Variants in DPH6 observed in about 807,000 individuals in gnomAD.
DPH6 encodes diphthamine biosynthesis 6.
A neutral mutation model predicts 38.2 loss-of-function variants in DPH6; 33 were observed. The ratio of observed to expected loss-of-function variants is 0.86; its 90% confidence interval spans 0.65 to 1.15. DPH6 has a LOEUF of 1.15. Among genes scored for constraint, DPH6 ranks in the 50% most tolerant of loss-of-function variants. The pLI is 0.00. For missense variants in DPH6, 325 were observed against 320.0 expected (o/e 1.02, Z -0.12); for synonymous variants, 108 against 103.0 (o/e 1.05, Z -0.30).
intron 3 of DPH6, among the ~76,000 whole-genome samples, chr15:35,342,729 T>C (rs1295762698): frequency 6.6e-6 from 1 of 152,184 alleles, no homozygotes; most frequent in Non-Finnish European, 1.5e-5. Flanking sequence ...ATGTTCAATA[T>C]TTTCCTGTAA....
At chr15:35,443,794 C>G (rs187078330) in intron 5 of DPH6, among the ~76,000 whole-genome samples, 57 of 152,268 alleles carry the variant, frequency 3.7e-4, no homozygotes, top group Admixed American at 3.7e-3. Context: ...TCAGAAGGTC[C>G]TAACTGTGCA....
chr15:35,351,099 T>A (rs142235591), intron 3 of DPH6, among the ~76,000 whole-genome samples: 307 of 152,316 alleles, frequency 2.0e-3, no homozygotes, highest in African/African-American at 6.9e-3. Flanking sequence ...CTGTATATAT[T>A]CACCTAATAT....
intron 3 of DPH6, among the ~76,000 whole-genome samples, chr15:35,510,456 TG>T (rs2054753965): frequency 6.6e-6 from 1 of 152,226 alleles, no homozygotes; most frequent in Admixed American, 6.5e-5. Flanking sequence ...AAAGCATAAC[TG>T]GAACAACTCC....
chr15:35,495,363 C>T (rs2054535933), intron 3 of DPH6, among the ~76,000 whole-genome samples: 1 of 152,092 alleles, frequency 6.6e-6, no homozygotes, highest in African/African-American at 2.4e-5. Flanking sequence ...AGAAGAGAGG[C>T]CTCAGAATGA....
At chr15:35,447,783 T>C (rs187705617) in intron 5 of DPH6, among the ~76,000 whole-genome samples, 9 of 151,820 alleles carry the variant, frequency 5.9e-5, no homozygotes, top group East Asian at 3.9e-4. Context: ...CCTAGGACCA[T>C]TGGATCAGGC....
chr15:35,433,372 GAGA>G (rs920193415), intron 5 of DPH6, among the ~76,000 whole-genome samples: 3 of 152,158 alleles, frequency 2.0e-5, no homozygotes, highest in African/African-American at 7.2e-5. Context: ...TTCAAAGCAG[GAGA>G]AGTAGTGGCA....
intron 3 of DPH6, chr15:35,521,981 G>C (rs1390476801): frequency 2.7e-6 from 4 of 1,462,814 alleles, no homozygotes; most frequent in Non-Finnish European, 1.8e-6. Flanking sequence ...ACTAAACTAA[G>C]CCGTCAACTA....
intron 3 of DPH6, among the ~76,000 whole-genome samples, chr15:35,515,593 C>T (rs1050208696): frequency 1.3e-5 from 2 of 151,750 alleles, no homozygotes; most frequent in South Asian, 2.1e-4. Context: ...CGGTGGCGGG[C>T]GCCTGTAGTC....
intron 5 of DPH6, among the ~76,000 whole-genome samples, chr15:35,436,323 G>A (rs1373907515): frequency 2.6e-5 from 4 of 151,360 alleles, no homozygotes; most frequent in African/African-American, 7.3e-5. Context: ...AAAATTAGCT[G>A]GGCGTGGTGG....
At chr15:35,466,736 G>C (rs972961887) in intron 3 of DPH6, among the ~76,000 whole-genome samples, 3 of 152,092 alleles carry the variant, frequency 2.0e-5, no homozygotes, top group African/African-American at 7.2e-5. Flanking sequence ...CAGCTATATG[G>C]TATAGCCTAT....
At chr15:35,298,736 G>A (rs2052032304) in intron 3 of DPH6, 10 of 1,570,444 alleles carry the variant, frequency 6.4e-6, no homozygotes, top group South Asian at 3.4e-5. Context: ...GATCTTGTGC[G>A]CCACCGTGCC....
chr15:35,491,302 C>T (rs1021728244), intron 3 of DPH6, among the ~76,000 whole-genome samples: 11 of 151,984 alleles, frequency 7.2e-5, no homozygotes, highest in Middle Eastern at 3.2e-3. Context: ...AGAGTAAACA[C>T]GAGCACCATC....
intron 3 of DPH6, among the ~76,000 whole-genome samples, chr15:35,225,924 T>G (rs931630190): frequency 2.0e-5 from 3 of 152,200 alleles, no homozygotes; most frequent in Non-Finnish European, 4.4e-5. Flanking sequence ...TATTTGTGAT[T>G]TTAACCTGTC....
chr15:35,222,796 CA>C, intron 3 of DPH6, among the ~76,000 whole-genome samples: 1 of 152,262 alleles, frequency 6.6e-6, no homozygotes, highest in Non-Finnish European at 1.5e-5. Context: ...GATAAACTAT[CA>C]ATTTACATTG....
intron 3 of DPH6, among the ~76,000 whole-genome samples, chr15:35,526,613 T>C (rs1158631105): frequency 6.6e-6 from 1 of 152,088 alleles, no homozygotes; most frequent in Non-Finnish European, 1.5e-5. Context: ...GAAAGAACTG[T>C]TTTTTAAATC....
chr15:35,504,030 C>A (rs377134527), intron 3 of DPH6, among the ~76,000 whole-genome samples: 21 of 152,210 alleles, frequency 1.4e-4, no homozygotes, highest in Admixed American at 9.2e-4. Flanking sequence ...TTTAGTGTCA[C>A]TATCTTCTAT....
intron 3 of DPH6, among the ~76,000 whole-genome samples, chr15:35,515,063 C>T (rs1360746411): frequency 1.3e-5 from 2 of 151,892 alleles, no homozygotes; most frequent in South Asian, 2.1e-4. Flanking sequence ...GTGCTTTAAT[C>T]ACCTACATCT....
At chr15:35,435,156 T>G (rs1327860465) in intron 5 of DPH6, among the ~76,000 whole-genome samples, 1 of 151,956 alleles carries the variant, frequency 6.6e-6, no homozygotes, top group Non-Finnish European at 1.5e-5. Context: ...AATGGTCGAT[T>G]ATCTACACGA....
intron 3 of DPH6, among the ~76,000 whole-genome samples, chr15:35,309,553 A>G (rs1294982173): frequency 6.6e-6 from 1 of 152,158 alleles, no homozygotes; most frequent in Admixed American, 6.5e-5. Flanking sequence ...ACTGCCTTAA[A>G]CCCATTTTAA....
Sources: allele counts gnomAD v4.1 joint callset (sites outside exome capture counted in the v4.1 genomes callset), GRCh38; gene constraint gnomAD v4.1.1; transcripts MANE v1.5; gene names NCBI Gene and HGNC (gene_info 2026-07-23, HGNC 2026-07-21).